Variants in WDR27 observed in about 807,000 individuals in gnomAD.
WDR27 encodes the protein WD repeat-containing protein 27.
WDR27 carries 100 observed loss-of-function variants against 114.4 expected under a neutral mutation model. The ratio of observed to expected loss-of-function variants is 0.87; its 90% CI spans 0.74 to 1.03. WDR27 has a LOEUF of 1.03. Among genes scored for constraint, WDR27 ranks in the 50% least tolerant of loss-of-function variants. The pLI, the probability that WDR27 is intolerant of heterozygous loss-of-function variation, is 0.00. For missense variants in WDR27, 1,129 were observed against 1,092.9 expected, an observed-to-expected ratio of 1.03 and a Z score of -0.47; for synonymous variants, 449 against 423.1, an observed-to-expected ratio of 1.06 and a Z score of -0.75.
the WDR27 span, among the ~76,000 whole-genome samples, chr6:169,428,685 C>G: frequency 6.6e-6 from 1 of 152,146 alleles, no homozygotes; most frequent in African/African-American, 2.4e-5. Context: ...CCAAAGGCAG[C>G]AGAGCCTGCA....
At chr6:169,542,543 C>T (rs1429698788) in intron 25 of WDR27, among the ~76,000 whole-genome samples, 1 of 152,060 alleles carries the variant, frequency 6.6e-6, no homozygotes, top group Non-Finnish European at 1.5e-5. Context: ...AAATGAAATG[C>T]ATCATCCTGA....
chr6:169,677,219 T>C (rs1366279588), intron 2 of WDR27, among the ~76,000 whole-genome samples: 2 of 152,216 alleles, frequency 1.3e-5, no homozygotes, highest in African/African-American at 4.8e-5. Context: ...CTGATAGTGG[T>C]AAAGACAGTG....
intron 25 of WDR27, among the ~76,000 whole-genome samples, chr6:169,494,138 C>T (rs1168450845): frequency 1.3e-5 from 2 of 152,164 alleles, no homozygotes; most frequent in African/African-American, 4.8e-5. Flanking sequence ...GCCCAAATAT[C>T]TTCTCAAACA....
At chr6:169,549,054 A>C (rs578251355) in intron 25 of WDR27, among the ~76,000 whole-genome samples, 18 of 152,366 alleles carry the variant, frequency 1.2e-4, no homozygotes, top group African/African-American at 4.3e-4. Flanking sequence ...ACTGAAAATC[A>C]GGACTTCACT....
chr6:169,657,212 ATCTGCAAGGCGGG>A (rs1474852158), intron 13 of WDR27, among the ~76,000 whole-genome samples: 1 of 152,196 alleles, frequency 6.6e-6, no homozygotes, highest in African/African-American at 2.4e-5. Context: ...GCTCTCCCCG[ATCTGCAAGGCGGG>A]TCAGAACCAC....
intron 25 of WDR27, among the ~76,000 whole-genome samples, chr6:169,534,653 C>A (rs1440589402): frequency 6.6e-6 from 1 of 151,784 alleles, no homozygotes; most frequent in African/African-American, 2.4e-5. Flanking sequence ...TCCATTTAAT[C>A]TAAATTATCT....
intron 1 of WDR27, among the ~76,000 whole-genome samples, chr6:169,699,120 C>T (rs1327816924): frequency 6.6e-6 from 1 of 152,164 alleles, no homozygotes; most frequent in East Asian, 1.9e-4. Context: ...TGCAGCCCTA[C>T]AGGAAATTAT....
chr6:169,598,541 C>T (rs979570332), intron 23 of WDR27, among the ~76,000 whole-genome samples: 3 of 152,200 alleles, frequency 2.0e-5, no homozygotes, highest in African/African-American at 4.8e-5. Context: ...CTGAATACTG[C>T]TAGAATGGCA....
chr6:169,623,511 C>T (rs1376069882), intron 21 of WDR27, among the ~76,000 whole-genome samples: 1 of 152,148 alleles, frequency 6.6e-6, no homozygotes, highest in African/African-American at 2.4e-5. Context: ...CTGTGGCCCT[C>T]AGCCAGTGAC....
intron 25 of WDR27, among the ~76,000 whole-genome samples, chr6:169,540,872 T>A (rs1796756892): frequency 1.3e-5 from 2 of 152,172 alleles, no homozygotes; most frequent in South Asian, 4.2e-4. Flanking sequence ...GATTAGTTAT[T>A]TCCTGGATTC....
rs1793543541 is a variant in WDR27, at chr6:169,515,617, T to C, written c.2645+56802A>G. ...AGTGTTCAGTAAAATCATAATTTGG[T>C]AATTGAAAGCCTTTCTTTGTGCCAA... On this transcript the variant is annotated intron_variant, in intron 25 of 25. Coordinates refer to ENST00000448612, the MANE Select transcript of WDR27 (RefSeq NM_182552.5). 2.0e-5 allele frequency among the ~76,000 whole-genome samples: 3 copies of C among 152,174 alleles called. No individual in the cohort carries two copies. The South Asian group carries it at 6.2e-4, about 32-fold the overall frequency.
chr6:169,691,248 C>T (rs966513498), intron 1 of WDR27, among the ~76,000 whole-genome samples: 4 of 152,086 alleles, frequency 2.6e-5, no homozygotes, highest in Middle Eastern at 3.4e-3. Context: ...TTTAAAAAAA[C>T]GTAATTTTTA....
rs1273471806 is a variant in WDR27, at chr6:169,634,486, G to A, written c.2043C>T (p.Leu681=). The A allele has an allele frequency of 2.5e-6, 4 of 1,613,246 alleles. No individual in the cohort carries two copies. The highest frequency in any genetic ancestry group is 1.7e-5 in the Admixed American group (1 of 59,920). ...QKSKSKLICR[L]STTGAVDMTS... Reference sequence around the variant, plus strand: ...TCATGTCTACTGCACCCGTCGTGGAGAGCCTGCAAATCAGCTTGGACTTGC... The same window carrying A: ...TCATGTCTACTGCACCCGTCGTGGAAAGCCTGCAAATCAGCTTGGACTTGC... Residue 681 remains leucine (L), a synonymous_variant, in exon 20 of 26, where the codon CTC becomes CTT. Transcript: ENST00000448612.
chr6:169,642,288 T>C (rs1473065354), intron 17 of WDR27, among the ~76,000 whole-genome samples: 2 of 151,118 alleles, frequency 1.3e-5, no homozygotes, highest in African/African-American at 4.8e-5. Context: ...GTTGAGATGG[T>C]TAAATGTGGC....
chr6:169,551,329 C>T lies in WDR27; in HGVS notation c.2645+21090G>A, dbSNP rs2128103198. Among the ~76,000 whole-genome samples the T allele has an allele frequency of 2.0e-5, 3 of 152,262 alleles. No individual in the cohort carries two copies. In the Middle Eastern group the frequency reaches 0.01, roughly 518 times the overall value. On this transcript the variant is annotated intron_variant, in intron 25 of 25. Coordinates refer to ENST00000448612, the MANE Select transcript of WDR27 (RefSeq NM_182552.5). The stretch of plus-strand genomic sequence containing the variant: ...AGACCCCACGCTCACCCTCACTGGG[C>T]CCCCTTATCTGGGTTACGTTTTTCA...
At position 169,688,981 on chromosome 6, in the gene WDR27, A is replaced by T. The variant is rs1783771863; in HGVS notation, c.25T>A (p.Ser9Thr). 1 of 1,612,830 alleles carries T rather than the reference A, an allele frequency of 6.2e-7. No homozygotes were observed. The highest frequency in any genetic ancestry group is 8.5e-7 in the Non-Finnish European group (1 of 1,179,514). Residue 9 changes from serine to threonine, a missense_variant, in exon 2 of 26, where the codon TCA (serine) becomes ACA (threonine). Transcript: ENST00000448612. MENPQDIFSSNGGCLSDIV... is the reference protein window; with the variant it reads MENPQDIFTSNGGCLSDIV... Reference sequence around the variant, plus strand: ...TCACTTAGACAGCCACCATTACTTGAGAAAATGTCTTGGGGATTTTCCATC... The same window carrying T: ...TCACTTAGACAGCCACCATTACTTGTGAAAATGTCTTGGGGATTTTCCATC...
rs1788224520 is a variant in WDR27, at chr6:169,702,008, AC to A, written c.-466del. ...CGCCGCTATGGTTACTTGCCAGCCG[AC>A]CCACGCGAGCCGCTATGGTTACTAG... On this transcript the variant is annotated 5_prime_UTR_variant, in exon 1 of 26. Transcript: ENST00000448612. 6 of 427,112 alleles carry A rather than the reference AC, an allele frequency of 1.4e-5. No homozygotes were observed. The highest frequency in any genetic ancestry group is 8.4e-5 in the South Asian group (5 of 59,444). 26.5% of individuals were successfully genotyped at this position (427,112 alleles called of 1,614,324 possible). A position where few individuals can be genotyped will look rare whatever the true frequency, so the allele number is the denominator to read the frequency against.
At position 169,552,973 on chromosome 6, in the gene WDR27, G is replaced by GGTGTGTGTGTGTGTGT. The variant is rs3975497; in HGVS notation, c.2645+19430_2645+19445dup. ...TGTGCTGTTTGGGGAGGGCCTGCCC[G>GGTGTGTGTGTGTGTGT]GTGTGTGTGTGTGTGTGTGTGTGTG... On this transcript the variant is annotated intron_variant, in intron 25 of 25. Coordinates refer to ENST00000448612, the MANE Select transcript of WDR27 (RefSeq NM_182552.5). Among the ~76,000 whole-genome samples the GGTGTGTGTGTGTGTGT allele has an allele frequency of 1.6e-3, 101 of 61,796 alleles. 2 individuals are homozygous for GGTGTGTGTGTGTGTGT. The highest frequency in any genetic ancestry group is 2.9e-3 in the East Asian group (7 of 2,438). 40.5% of individuals were successfully genotyped at this position (61,796 alleles called of 152,430 possible). A position where few individuals can be genotyped will look rare whatever the true frequency, so the allele number is the denominator to read the frequency against.
rs1284576587 is a variant in WDR27, at chr6:169,644,786, G to T, written c.1658-1000C>A. On this transcript the variant is annotated intron_variant, in intron 16 of 25. Coordinates refer to ENST00000448612, the MANE Select transcript of WDR27 (RefSeq NM_182552.5). ...GCACTTTGGGAGGCCGAGGCGGGCG[G>T]ATCACGAGGTCAGGAGATCGAGACC... Among the ~76,000 whole-genome samples the T allele has an allele frequency of 3.0e-5, 2 of 67,442 alleles. 1 individual carries two copies. Among genetic ancestry groups the T allele is most frequent in the Non-Finnish European group, 5.3e-5 (2 of 37,740 alleles). The allele number at this position is 67,442 out of a possible 152,430, so 44.2% of individuals were successfully genotyped here.
Sources: gnomAD v4.1 joint callset for allele counts (sites outside exome capture counted in the v4.1 genomes callset) on GRCh38, gnomAD v4.1.1 for gene constraint, MANE v1.5 for transcripts, NCBI Gene and HGNC (gene_info 2026-07-23, HGNC 2026-07-21) for gene names.